PRSS23: variants seen among roughly 807,000 people sequenced by gnomAD.
PRSS23 encodes serine protease 23, also known as protease, serine 23.
Under a neutral mutation model 34.7 loss-of-function variants are expected in PRSS23, and 25 were observed. That is an observed-to-expected ratio of 0.72 (90% CI 0.53 to 1.01). The LOEUF is 1.01. PRSS23 is among the 50% of genes least tolerant of loss of function. PRSS23 has a pLI of 0.00. For missense variants in PRSS23, 445 were observed against 475.6 expected (o/e 0.94, Z 0.60); for synonymous variants, 176 against 186.6 (o/e 0.94, Z 0.46).
At chr11:86,945,361 T>C (rs1320572204) in intron 2 of PRSS23, among the ~76,000 whole-genome samples, 1 of 114,600 alleles carries the variant, frequency 8.7e-6, no homozygotes, top group East Asian at 2.7e-4. Flanking sequence ...GCACTGAAAA[T>C]GCCAAAAAAA....
chr11:86,932,187 G>A (rs1029256989), intron 2 of PRSS23, among the ~76,000 whole-genome samples: 1 of 152,158 alleles, frequency 6.6e-6, no homozygotes, highest in Non-Finnish European at 1.5e-5. Flanking sequence ...AATGACTGCT[G>A]AGAGTCATCA....
intron 2 of PRSS23, chr11:86,857,237 T>C (rs1187891154): frequency 7.9e-6 from 3 of 381,688 alleles, no homozygotes; most frequent in Non-Finnish European, 1.3e-5. Flanking sequence ...TACACGCCAA[T>C]GCCTGTTTCA....
intron 2 of PRSS23, among the ~76,000 whole-genome samples, chr11:86,835,575 T>G (rs1189780598): frequency 6.6e-6 from 1 of 152,206 alleles, no homozygotes; most frequent in Non-Finnish European, 1.5e-5. Flanking sequence ...TATATAATGG[T>G]CTGGCTATTT....
chr11:86,917,894 G>A (rs892426046), intron 2 of PRSS23, among the ~76,000 whole-genome samples: 3 of 152,164 alleles, frequency 2.0e-5, no homozygotes, highest in South Asian at 2.1e-4. Flanking sequence ...TAATAGATGC[G>A]AAGACCTAAT....
Position 86,807,961 on chromosome 11 carries a change from C to G in PRSS23, c.318C>G (p.Leu106=). 6.2e-7 allele frequency: 1 copy of G among 1,614,154 alleles called. No homozygotes were observed. The change falls in exon 2 of 2, where the codon CTC becomes CTG. Residue 106 remains leucine, a synonymous_variant. Transcript: ENST00000280258. ...AGACGCAGGTGGGCATCTACATCCT[C>G]AGCAGTAGTGGAGATGGGGCCCAAC... The part of the protein sequence containing the change: ...RTETQVGIYI[L]SSSGDGAQHR...
chr11:86,875,624 C>G (rs1948718106), intron 2 of PRSS23, among the ~76,000 whole-genome samples: 6 of 152,188 alleles, frequency 3.9e-5, no homozygotes, highest in African/African-American at 1.4e-4. Flanking sequence ...TGCACTCTTT[C>G]TTGACTAACA....
chr11:86,900,290 G>A (rs1437629467), intron 2 of PRSS23, among the ~76,000 whole-genome samples: 1 of 152,140 alleles, frequency 6.6e-6, no homozygotes, highest in Non-Finnish European at 1.5e-5. Flanking sequence ...CCTCCCAGGC[G>A]GGACATTTGG....
chr11:86,920,571 T>C (rs1266949383), intron 2 of PRSS23, among the ~76,000 whole-genome samples: 2 of 152,032 alleles, frequency 1.3e-5, no homozygotes, highest in Admixed American at 6.6e-5. Context: ...GACACTTAAA[T>C]ACGGACGTTT....
intron 2 of PRSS23, among the ~76,000 whole-genome samples, chr11:86,890,010 T>G (rs1186262971): frequency 6.6e-6 from 1 of 152,156 alleles, no homozygotes; most frequent in Non-Finnish European, 1.5e-5. Flanking sequence ...GGCTCACGCC[T>G]GAGTCCCAGC....
At chr11:86,797,991 T>A (rs1421368762), upstream of PRSS23, among the ~76,000 whole-genome samples, 2 of 152,190 alleles carry the variant, frequency 1.3e-5, no homozygotes, top group African/African-American at 4.8e-5. Flanking sequence ...CCTATATGCA[T>A]CTCTTTAATT....
intron 2 of PRSS23, among the ~76,000 whole-genome samples, chr11:86,931,847 G>C (rs879627084): frequency 6.6e-6 from 1 of 150,606 alleles, no homozygotes; most frequent in Admixed American, 6.6e-5. Flanking sequence ...TTAAAAAAAA[G>C]AGTGGACATT....
chr11:86,857,104 G>A (rs1299609137), intron 2 of PRSS23: 2 of 284,154 alleles, frequency 7.0e-6, no homozygotes, highest in East Asian at 2.0e-4. Context: ...CCTCCACAGG[G>A]CACTATGAAT....
chr11:86,907,879 C>G (rs1233575851), intron 2 of PRSS23, among the ~76,000 whole-genome samples: 2 of 127,664 alleles, frequency 1.6e-5, no homozygotes, highest in Admixed American at 8.2e-5. Flanking sequence ...AATAGCAGCT[C>G]TATTTTTCCC....
chr11:86,865,534 C>A (rs1415816294), intron 2 of PRSS23, among the ~76,000 whole-genome samples: 1 of 152,196 alleles, frequency 6.6e-6, no homozygotes, highest in East Asian at 1.9e-4. Flanking sequence ...CCAACTGTAG[C>A]CTTCTTTGCC....
chr11:86,927,925 G>A (rs1442624781), intron 2 of PRSS23, among the ~76,000 whole-genome samples: 2 of 150,678 alleles, frequency 1.3e-5, no homozygotes, highest in Non-Finnish European at 2.9e-5. Context: ...TGGGTGACAA[G>A]AGAGAAACTC....
chr11:86,945,465 A>G (rs989722761), intron 2 of PRSS23, among the ~76,000 whole-genome samples: 2 of 152,106 alleles, frequency 1.3e-5, no homozygotes, highest in Non-Finnish European at 2.9e-5. Context: ...TGACCATATT[A>G]GCAATCAATT....
intron 2 of PRSS23, among the ~76,000 whole-genome samples, chr11:86,884,641 C>T (rs1948791197): frequency 6.6e-6 from 1 of 152,178 alleles, no homozygotes; most frequent in South Asian, 2.1e-4. Flanking sequence ...TTTCTCAAAA[C>T]CTTATTACCC....
At chr11:86,831,029 T>G (rs905778350) in intron 2 of PRSS23, among the ~76,000 whole-genome samples, 1 of 152,074 alleles carries the variant, frequency 6.6e-6, no homozygotes, top group African/African-American at 2.4e-5. Flanking sequence ...TGGAATATCC[T>G]AGGGGGATGT....
intron 2 of PRSS23, among the ~76,000 whole-genome samples, chr11:86,870,701 C>G (rs1336730812): frequency 6.6e-6 from 1 of 152,160 alleles, no homozygotes; most frequent in Admixed American, 6.5e-5. Context: ...TTCCTTTCAT[C>G]TGTGCATCAA....
Sources: gnomAD v4.1 joint callset for allele counts (sites outside exome capture counted in the v4.1 genomes callset) on GRCh38, gnomAD v4.1.1 for gene constraint, MANE v1.5 for transcripts, NCBI Gene and HGNC (gene_info 2026-07-23, HGNC 2026-07-21) for gene names.